The following ZNF236 variants were observed in gnomAD, a reference collection of about 807,000 sequenced individuals.
The protein encoded by ZNF236 is zinc finger protein 236.
ZNF236 carries 50 observed loss-of-function variants against 191.2 expected under a neutral mutation model. The ratio of observed to expected loss-of-function variants is 0.26; its 90% confidence interval spans 0.21 to 0.33. The LOEUF (loss-of-function observed/expected upper bound fraction) is 0.33. Ranked by LOEUF, ZNF236 falls within the 10% of genes least tolerant of loss-of-function variation. ZNF236 has a pLI of 1.00. For missense variants in ZNF236, 1,754 were observed against 2,374.5 expected, an observed-to-expected ratio of 0.74 and a Z score of 5.43; for synonymous variants, 907 against 928.8, an observed-to-expected ratio of 0.98 and a Z score of 0.43.
intron 19 of ZNF236, among the ~76,000 whole-genome samples, chr18:76,916,869 A>C (rs1271257117): frequency 6.6e-6 from 1 of 152,150 alleles, no homozygotes; most frequent in East Asian, 1.9e-4. Flanking sequence ...CTGTCATCGG[A>C]GGTCAGACCT....
Position 76,968,264 on chromosome 18 carries a change from G to C in ZNF236, c.5469G>C (p.Leu1823=). ...AGHPEQDGEE[L]SRTLHLEEVV... is the part of the protein sequence containing the mutation. ...ACCCGGAGCAGGACGGGGAGGAGCT[G>C]AGCCGGACCCTCCACCTGGAGGAGG... The change falls in exon 31 of 31, where the codon CTG becomes CTC. Residue 1823 remains leucine (L), a synonymous_variant. Coordinates refer to ENST00000320610, the MANE Select transcript of ZNF236 (RefSeq NM_001306089.2). 6.2e-7 allele frequency: 1 copy of C among 1,612,042 alleles called. No homozygotes were observed. The highest frequency in any genetic ancestry group is 8.5e-7 in the Non-Finnish European group (1 of 1,179,520).
chr18:76,944,053 A>G (rs1968201543), intron 26 of ZNF236, among the ~76,000 whole-genome samples: 2 of 152,210 alleles, frequency 1.3e-5, no homozygotes, highest in African/African-American at 4.8e-5. Flanking sequence ...CCTTGCTCAT[A>G]TTTTACAGCA....
At chr18:76,936,203 T>A in intron 25 of ZNF236, 1 of 440,460 alleles carries the variant, frequency 2.3e-6, no homozygotes, top group South Asian at 1.6e-5. Context: ...TGAACTTTCC[T>A]TTGGTCGTCA....
chr18:76,913,018 A>C (rs1967259786), intron 17 of ZNF236, among the ~76,000 whole-genome samples: 1 of 152,234 alleles, frequency 6.6e-6, no homozygotes. Context: ...TTTGGACTTG[A>C]GAGGAAAGTT....
intron 28 of ZNF236, among the ~76,000 whole-genome samples, chr18:76,957,854 T>C (rs1968558070): frequency 6.6e-6 from 1 of 152,210 alleles, no homozygotes; most frequent in Admixed American, 6.5e-5. Context: ...GACAATACCA[T>C]TCTGGACAGA....
At chr18:76,838,327 T>G (rs1290731163) in intron 1 of ZNF236, among the ~76,000 whole-genome samples, 1 of 152,204 alleles carries the variant, frequency 6.6e-6, no homozygotes, top group African/African-American at 2.4e-5. Context: ...AAGTAAACAT[T>G]AGAGCTTTTT....
At chr18:76,845,551 T>A (rs1156725094) in intron 1 of ZNF236, among the ~76,000 whole-genome samples, 1 of 151,714 alleles carries the variant, frequency 6.6e-6, no homozygotes, top group Admixed American at 6.6e-5. Flanking sequence ...TAGCTGTCTT[T>A]AAAAAAAATG....
chr18:76,920,643 C>T (rs1365247160), intron 20 of ZNF236, among the ~76,000 whole-genome samples: 1 of 152,028 alleles, frequency 6.6e-6, no homozygotes, highest in Non-Finnish European at 1.5e-5. Flanking sequence ...CAAATGTATC[C>T]ATTGAGGAAG....
intron 27 of ZNF236, 145 bp from the exon 28 acceptor site, chr18:76,955,840 A>T: frequency 1.1e-6 from 1 of 915,178 alleles, no homozygotes; most frequent in Non-Finnish European, 1.7e-6. Flanking sequence ...CCTCTGGCTA[A>T]ATTATCCTGA....
At chr18:76,947,399 G>A (rs926465555) in intron 26 of ZNF236, 122 bp from the exon 27 acceptor site, 5 of 1,198,360 alleles carry the variant, frequency 4.2e-6, no homozygotes, top group East Asian at 2.5e-5. Context: ...GTGACTCCAC[G>A]GTTCACTTTT....
chr18:76,830,871 T>C (rs1370578137), intron 1 of ZNF236, among the ~76,000 whole-genome samples: 1 of 152,232 alleles, frequency 6.6e-6, no homozygotes, highest in Non-Finnish European at 1.5e-5. Context: ...TCTCTTTTGC[T>C]AAGCTCCTGT....
At chr18:76,952,525 G>A (rs894666980) in intron 27 of ZNF236, among the ~76,000 whole-genome samples, 5 of 152,220 alleles carry the variant, frequency 3.3e-5, no homozygotes, top group Admixed American at 2.6e-4. Flanking sequence ...GGGTTTATCT[G>A]AACCCACGAC....
At chr18:76,909,612 A>AT (rs1189614293) in intron 14 of ZNF236, among the ~76,000 whole-genome samples, 1 of 152,204 alleles carries the variant, frequency 6.6e-6, no homozygotes, top group East Asian at 1.9e-4. Context: ...AGACTGTGTG[A>AT]TTAGTGACAT....
chr18:76,961,888 G>A (rs1484773497), intron 30 of ZNF236, among the ~76,000 whole-genome samples: 1 of 151,988 alleles, frequency 6.6e-6, no homozygotes, highest in Non-Finnish European at 1.5e-5. Flanking sequence ...GTCTGTTCAT[G>A]TCCTTAGCTC....
intron 25 of ZNF236, among the ~76,000 whole-genome samples, chr18:76,934,829 A>G (rs1338689536): frequency 1.3e-5 from 2 of 152,250 alleles, no homozygotes; most frequent in African/African-American, 4.8e-5. Flanking sequence ...AAAAACTGAT[A>G]TCATATCTTT....
At chr18:76,844,073 C>G (rs570655938) in intron 1 of ZNF236, among the ~76,000 whole-genome samples, 1 of 151,764 alleles carries the variant, frequency 6.6e-6, no homozygotes, top group Non-Finnish European at 1.5e-5. Flanking sequence ...AACCCTGTCT[C>G]TATGAAAAAT....
At chr18:76,862,380 A>G (rs759792638) in intron 3 of ZNF236, among the ~76,000 whole-genome samples, 2 of 152,174 alleles carry the variant, frequency 1.3e-5, no homozygotes, top group Non-Finnish European at 2.9e-5. Context: ...AGCCGAGTAC[A>G]GCATTGAACT....
Position 76,919,844 on chromosome 18 carries a change from A to C in ZNF236, c.3343A>C (p.Ile1115Leu), listed in dbSNP as rs1967483896. 1 of 1,614,246 alleles carries C rather than the reference A, an allele frequency of 6.2e-7. No individual in the cohort carries two copies. The highest frequency in any genetic ancestry group is 2.2e-5 in the East Asian group (1 of 44,882). ...ATCACGGAAGTCTCGTCCTGAGGTCATCACTTTCACGGAGGAGGAGACAGC... is the reference window on the plus strand; with the variant it reads ...ATCACGGAAGTCTCGTCCTGAGGTCCTCACTTTCACGGAGGAGGAGACAGC... ...NASRKSRPEVITFTEEETAQL... is the reference protein window; with the variant it reads ...NASRKSRPEVLTFTEEETAQL... Residue 1115 changes from isoleucine to leucine, a missense_variant, in exon 20 of 31, where the codon ATC (isoleucine) becomes CTC (leucine). Transcript: ENST00000320610. This position sits in a 1 kb window ranked among gnomAD's most constrained non-coding sequence, Gnocchi z 5.3.
intron 26 of ZNF236, among the ~76,000 whole-genome samples, chr18:76,941,389 A>G (rs9954759): frequency 0.048 from 7,292 of 152,240 alleles, 309 homozygotes; most frequent in African/African-American, 0.11. Flanking sequence ...CCTCAGGACA[A>G]ACTCCATCAG....
Sources: gnomAD v4.1 joint callset for allele counts (sites outside exome capture counted in the v4.1 genomes callset) on GRCh38, gnomAD v4.1.1 for gene constraint, Gnocchi (gnomAD v3.1) non-coding constraint, MANE v1.5 for transcripts, NCBI Gene and HGNC (gene_info 2026-07-23, HGNC 2026-07-21) for gene names.